Variants in STAT5A observed in about 807,000 individuals in gnomAD.
The protein encoded by STAT5A is signal transducer and activator of transcription 5A, also known as epididymis secretory sperm binding protein.
STAT5A carries 26 observed loss-of-function variants against 100.2 expected under a neutral mutation model. The observed-to-expected ratio is 0.26, with a 90% CI of 0.19 to 0.36. The LOEUF is 0.36. STAT5A is among the 10% of genes least tolerant of loss of function. The probability of loss-of-function intolerance (pLI) is 1.00; values close to 1 mark genes in which losing one functional copy is unlikely to be tolerated. For synonymous variants in STAT5A, 330 were observed against 424.3 expected, an observed-to-expected ratio of 0.78 and a Z score of 2.73; for missense variants, 634 against 1,027.5, an observed-to-expected ratio of 0.62 and a Z score of 5.24.
rs775661897 is a variant in STAT5A, at chr17:42,307,526, C to T, written c.1775+30C>T. 1.9e-6 allele frequency: 3 copies of T among 1,613,980 alleles called. No individual in the cohort carries two copies. In the East Asian group the frequency reaches 6.7e-5, roughly 36 times the overall value. ...GGAACGGGGGCTGCAGGGTCAGGGGCCAGCTGTGGGCGCAGAGAGACTGTG... is the reference window on the plus strand; with the variant it reads ...GGAACGGGGGCTGCAGGGTCAGGGGTCAGCTGTGGGCGCAGAGAGACTGTG... On this transcript the variant is annotated intron_variant, in intron 14 of 18. Transcript: ENST00000590949.
chr17:42,300,922 C>G (rs148006983), intron 8 of STAT5A, 52 bp downstream of exon 8: 1 of 1,609,282 alleles, frequency 6.2e-7, no homozygotes, highest in Admixed American at 1.7e-5. Context: ...CTCCTGCCTG[C>G]GTGGGGGGAG....
intron 4 of STAT5A, among the ~76,000 whole-genome samples, chr17:42,294,934 G>A (rs8073664): frequency 0.28 from 41,288 of 150,016 alleles, 5,848 homozygotes; most frequent in South Asian, 0.41. Context: ...GTCTCGCTGT[G>A]TTGCCAAGGC....
In STAT5A at chr17:42,297,699, G is replaced by A. The variant is rs185454498; in HGVS notation, c.550+1906G>A. ...ATCACCACCACCCTCCCTGTGGCTGGGCAGGATACCCGAGGTAGCCGTGCA... is the reference window on the plus strand; with the variant it reads ...ATCACCACCACCCTCCCTGTGGCTGAGCAGGATACCCGAGGTAGCCGTGCA... On this transcript the variant is annotated intron_variant, in intron 5 of 18. Transcript: ENST00000590949. Among the ~76,000 whole-genome samples, 518 of 152,120 alleles carry A rather than the reference G, an allele frequency of 3.4e-3. 3 individuals carry two copies. Among genetic ancestry groups the A allele is most frequent in the African/African-American group, 0.012 (495 of 41,466 alleles).
chr17:42,306,895 T>C (rs964406338), intron 13 of STAT5A, among the ~76,000 whole-genome samples: 3 of 152,012 alleles, frequency 2.0e-5, no homozygotes, highest in Non-Finnish European at 4.4e-5. Context: ...AATTTTTGTA[T>C]TTTTAGTAGA....
intron 9 of STAT5A, among the ~76,000 whole-genome samples, chr17:42,302,059 G>A (rs528127042): frequency 2.6e-5 from 4 of 152,310 alleles, no homozygotes; most frequent in South Asian, 2.1e-4. Context: ...CCAGCTACTC[G>A]GGAAGCTGAG....
chr17:42,294,901 ATT>A (rs11313930), intron 4 of STAT5A, among the ~76,000 whole-genome samples: 47 of 143,160 alleles, frequency 3.3e-4, no homozygotes, highest in East Asian at 1.2e-3. Context: ...CTCTCTCTCT[ATT>A]TTTTTTTTTT....
At chr17:42,291,723 G>GAA (rs57592406) in intron 3 of STAT5A, among the ~76,000 whole-genome samples, 2,342 of 111,098 alleles carry the variant, frequency 0.021, 50 homozygotes, top group African/African-American at 0.072. Context: ...ATCTCAAAAA[G>GAA]AAAAAAAAAA....
At chr17:42,300,996 C>G in intron 8 of STAT5A, 126 bp downstream of exon 8, 1 of 1,543,738 alleles carries the variant, frequency 6.5e-7, no homozygotes, top group Admixed American at 1.9e-5. Flanking sequence ...ACTCCATCTC[C>G]AGTTGCTGTG....
chr17:42,295,595 T>C lies in STAT5A; in HGVS notation c.376-24T>C, dbSNP rs1288001122. ...TTCTCCCATCCTCTCTTCCCCGAGT[T>C]ATTTCCATTCCATCTGTCTCCAGTG... On this transcript the variant is annotated intron_variant, in intron 4 of 18. Coordinates refer to ENST00000590949, the MANE Select transcript of STAT5A (RefSeq NM_001288718.2). 1.9e-6 allele frequency: 3 copies of C among 1,607,390 alleles called. No homozygotes were observed. The South Asian group carries it at 3.3e-5, about 18-fold the overall frequency.
At chr17:42,298,264 A>C (rs901934597) in intron 5 of STAT5A, among the ~76,000 whole-genome samples, 1 of 150,972 alleles carries the variant, frequency 6.6e-6, no homozygotes, top group Non-Finnish European at 1.5e-5. Flanking sequence ...GGGTTCAAGC[A>C]ATTCTCCTGC....
Position 42,295,665 on chromosome 17 carries a change from A to G in STAT5A, c.422A>G (p.His141Arg), listed in dbSNP as rs759784178. 1 of 1,613,834 alleles carries G rather than the reference A, an allele frequency of 6.2e-7. No individual in the cohort carries two copies. Among genetic ancestry groups the G allele is most frequent in the African/African-American group, 1.3e-5 (1 of 74,900 alleles). Residue 141 changes from histidine to arginine, a missense_variant, in exon 5 of 19, where the codon CAC (histidine) becomes CGC (arginine). Coordinates refer to ENST00000590949, the MANE Select transcript of STAT5A (RefSeq NM_001288718.2). ...GILVDAMSQKHLQINQTFEEL... is the reference protein window; with the variant it reads ...GILVDAMSQKRLQINQTFEEL... ...CTGGTTGACGCCATGTCCCAGAAGC[A>G]CCTTCAGATCAACCAGACATTTGAG...
upstream of STAT5A, chr17:42,288,069 G>A (rs1267664431): frequency 6.6e-6 from 1 of 152,206 alleles, no homozygotes; most frequent in East Asian, 1.9e-4. This position sits in a 1 kb window ranked among gnomAD's most constrained non-coding sequence, Gnocchi z 4.8. Context: ...CTCAAAAGAT[G>A]ACACGCGCCA....
Position 42,307,626 on chromosome 17 carries a change from C to A in STAT5A, c.1809C>A (p.Ala603=), listed in dbSNP as rs761149634. The change falls in exon 15 of 19, where the codon GCC becomes GCA. Residue 603 remains alanine (A), a synonymous_variant. Coordinates refer to ENST00000590949, the MANE Select transcript of STAT5A (RefSeq NM_001288718.2). ...TAGGTTTTGTGAATAAGCAACAGGCCCACGACCTGCTCATCAACAAGCCCG... is the reference window on the plus strand; with the variant it reads ...TAGGTTTTGTGAATAAGCAACAGGCACACGACCTGCTCATCAACAAGCCCG... ...AILGFVNKQQ[A]HDLLINKPDG... 19 of 1,614,030 alleles carry A rather than the reference C, an allele frequency of 1.2e-5. No homozygotes were observed. The highest frequency in any genetic ancestry group is 1.6e-5 in the Non-Finnish European group (19 of 1,180,026).
In STAT5A at chr17:42,308,173, C is replaced by T. The variant is rs1021449783; in HGVS notation, c.1907-5C>T. The T allele has an allele frequency of 1.9e-6, 3 of 1,613,706 alleles. No homozygotes were observed. The highest frequency in any genetic ancestry group is 2.5e-6 in the Non-Finnish European group (3 of 1,179,640). On this transcript the variant is annotated splice_region_variant and splice_polypyrimidine_tract_variant and intron_variant, in intron 15 of 18. Transcript: ENST00000590949. This position sits in a 1 kb window ranked among gnomAD's most constrained non-coding sequence, Gnocchi z 4.6. Reference sequence around the variant, plus strand: ...ATTATGGGAATGAGGCTGTTCTTTTCACAGCGGAACGCAACCTGTGGAACC... The same window carrying T: ...ATTATGGGAATGAGGCTGTTCTTTTTACAGCGGAACGCAACCTGTGGAACC...
intron 12 of STAT5A, chr17:42,305,974 G>T: frequency 1.5e-6 from 1 of 652,224 alleles, no homozygotes; most frequent in Non-Finnish European, 2.6e-6. Flanking sequence ...AGATGGCTTG[G>T]GTCCTTGCTC....
Position 42,304,485 on chromosome 17 carries a change from A to T in STAT5A, c.1258-45A>T. ...GTCTGCCCAGAGCTGAGTCCTTGTA[A>T]GCAGCCGCCATCTCCCTGTTCCCCT... On this transcript the variant is annotated intron_variant, in intron 10 of 18. Transcript: ENST00000590949. This position sits in a 1 kb window ranked among gnomAD's most constrained non-coding sequence, Gnocchi z 4.8. 6.2e-7 allele frequency: 1 copy of T among 1,614,176 alleles called. No homozygotes were observed. The highest frequency in any genetic ancestry group is 8.5e-7 in the Non-Finnish European group (1 of 1,179,982).
intron 18 of STAT5A, 155 bp downstream of exon 18, chr17:42,309,639 C>T (rs1385218625): frequency 1.4e-6 from 1 of 708,744 alleles, no homozygotes; most frequent in East Asian, 2.7e-5. Flanking sequence ...CATTTTGAAG[C>T]TAGACATAGC....
chr17:42,289,942 CAGA>C lies in STAT5A; in HGVS notation c.211_213del (p.Lys71del). 2 of 1,607,120 alleles carry C rather than the reference CAGA, an allele frequency of 1.2e-6. No individual in the cohort carries two copies. Among genetic ancestry groups the C allele is most frequent in the Non-Finnish European group, 1.7e-6 (2 of 1,177,000 alleles). On this transcript the variant is annotated inframe_deletion, in exon 3 of 19. Transcript: ENST00000590949. ...CCTGGAGGGCCTGGTGCAGGAGCTG[CAGA>C]AGAAGGCGGAGCACCAGGTGGGGGA...
At chr17:42,305,779 C>T (rs1027358177) in intron 12 of STAT5A, 77 bp downstream of exon 12, 1 of 1,475,496 alleles carries the variant, frequency 6.8e-7, no homozygotes. Context: ...CCCCTTGGGC[C>T]CCTGCTGAGT....
Sources: allele counts gnomAD v4.1 joint callset (sites outside exome capture counted in the v4.1 genomes callset), GRCh38; gene constraint gnomAD v4.1.1; non-coding constraint Gnocchi (gnomAD v3.1); transcripts MANE v1.5; gene names NCBI Gene and HGNC (gene_info 2026-07-23, HGNC 2026-07-21).